CEMIP: variants seen among roughly 807,000 people sequenced by gnomAD.
CEMIP encodes cell migration-inducing and hyaluronan-binding protein.
In CEMIP, 105 loss-of-function variants were observed where a neutral mutation model predicts 156.9. The observed-to-expected ratio is 0.67, with a 90% CI of 0.57 to 0.79. The LOEUF (loss-of-function observed/expected upper bound fraction) is 0.79, where lower values mean the gene tolerates loss of function less well. Among genes scored for constraint, CEMIP ranks in the 30% least tolerant of loss-of-function variants. The pLI is 0.00. For missense variants in CEMIP, 1,457 were observed against 1,769.4 expected, an observed-to-expected ratio of 0.82 and a Z score of 3.17; for synonymous variants, 676 against 668.4, an observed-to-expected ratio of 1.01 and a Z score of -0.17.
Position 80,906,819 on chromosome 15 carries a change from C to A in CEMIP, c.1568C>A (p.Thr523Asn), listed in dbSNP as rs1025345003. The A allele has an allele frequency of 1.2e-6, 2 of 1,613,706 alleles. No individual in the cohort carries two copies. The highest frequency in any genetic ancestry group is 1.7e-6 in the Non-Finnish European group (2 of 1,179,798). ...ATCTGCAATTTCTTTGACTTCGATA[C>A]CTTTGGGGGCCACATCAAGGTATGT... ...NHICNFFDFD[T>N]FGGHIKFALG... The change falls in exon 13 of 30, where the codon ACC becomes AAC. Residue 523 changes from threonine to asparagine, a missense_variant. Physicochemically the swap from Thr to Asn is moderately conservative, Grantham distance 65. Transcript: ENST00000394685. This position sits in a 1 kb window ranked among gnomAD's most constrained non-coding sequence, Gnocchi z 4.3.
chr15:80,935,095 G>A (rs1431953162), intron 23 of CEMIP, among the ~76,000 whole-genome samples: 1 of 152,200 alleles, frequency 6.6e-6, no homozygotes, highest in Admixed American at 6.5e-5. Flanking sequence ...AGCCCTGGGA[G>A]AGGCGGAGCT....
rs144815292 is a variant in CEMIP at position 80,810,468 on chromosome 15, T to C, written c.-176+30854T>C. 9.7e-3 allele frequency among the ~76,000 whole-genome samples: 1,481 copies of C among 152,278 alleles called. 23 individuals carry two copies. The highest frequency in any genetic ancestry group is 0.033 in the African/African-American group (1,377 of 41,560). On this transcript the variant is annotated intron_variant, in intron 1 of 29. Transcript: ENST00000394685. ...CTGCAAGCTCCGCCTTCCGGATTCA[T>C]GCCATTCTCTTGCCTTAGCCTCCCG...
intron 1 of CEMIP, among the ~76,000 whole-genome samples, chr15:80,821,304 T>C (rs1185870713): frequency 6.6e-6 from 1 of 152,250 alleles, no homozygotes; most frequent in Non-Finnish European, 1.5e-5. Flanking sequence ...CTACCAGTGC[T>C]GTCAGTGACC....
At chr15:80,931,729 TAC>T in intron 21 of CEMIP, 128 bp from the exon 22 acceptor site, 1 of 831,934 alleles carries the variant, frequency 1.2e-6, no homozygotes, top group Non-Finnish European at 2.0e-6. Flanking sequence ...GGAATGGTTT[TAC>T]CCAGGAAGTC....
At chr15:80,852,710 C>T (rs1174315132) in intron 1 of CEMIP, among the ~76,000 whole-genome samples, 2 of 152,190 alleles carry the variant, frequency 1.3e-5, no homozygotes, top group Non-Finnish European at 2.9e-5. Context: ...CCCTTTTCCT[C>T]TTTTATGCCA....
intron 28 of CEMIP, among the ~76,000 whole-genome samples, chr15:80,944,930 G>A (rs901748006): frequency 2.6e-5 from 4 of 152,160 alleles, no homozygotes; most frequent in African/African-American, 9.7e-5. Flanking sequence ...CACTCCCTGG[G>A]CTGGCGCTGG....
intron 8 of CEMIP, 26 bp downstream of exon 8, chr15:80,887,790 G>A: frequency 6.4e-7 from 1 of 1,556,782 alleles, no homozygotes; most frequent in Non-Finnish European, 8.9e-7. Context: ...CTGGAGGCCT[G>A]ATTCCCTCCA....
chr15:80,815,358 T>C (rs1235605072), intron 1 of CEMIP, among the ~76,000 whole-genome samples: 1 of 152,234 alleles, frequency 6.6e-6, no homozygotes, highest in Non-Finnish European at 1.5e-5. Context: ...CTTTGAGACA[T>C]TGGGAAAGGC....
intron 10 of CEMIP, among the ~76,000 whole-genome samples, chr15:80,892,031 A>G (rs996069365): frequency 6.6e-6 from 1 of 152,160 alleles, no homozygotes; most frequent in African/African-American, 2.4e-5. Context: ...AACTCCCCAC[A>G]TGCTCATTTT....
In CEMIP at chr15:80,921,036, G is replaced by A. The variant is rs960069773; in HGVS notation, c.2008G>A (p.Val670Met). 2 of 1,614,118 alleles carry A rather than the reference G, an allele frequency of 1.2e-6. No homozygotes were observed. The highest frequency in any genetic ancestry group is 2.2e-5 in the East Asian group (1 of 44,882). ...IPKPRQDCNA[V>M]STFWMANPNN... ...GTATCTCTGCCCTCCCTGCAGTGCT[G>A]TGTCCACCTTCTGGATGGCCAATCC... is the stretch of plus-strand genomic sequence containing the variant. Residue 670 changes from valine (V) to methionine (M), a missense_variant, in exon 16 of 30, where the codon GTG becomes ATG. Val to Met is a conservative substitution (Grantham distance 21). Around this residue, in one of 5 missense-constraint regions of CEMIP, gnomAD observed 798 missense variants for 980.1 expected, o/e 0.81. Transcript: ENST00000394685.
intron 1 of CEMIP, among the ~76,000 whole-genome samples, chr15:80,803,326 A>T (rs571215887): frequency 6.6e-6 from 1 of 152,268 alleles, no homozygotes; most frequent in African/African-American, 2.4e-5. Flanking sequence ...GCTATGGATG[A>T]CTTCCCATGG....
intron 25 of CEMIP, 134 bp from the exon 26 acceptor site, chr15:80,941,715 G>A: frequency 1.3e-6 from 1 of 756,972 alleles, no homozygotes; most frequent in Non-Finnish European, 2.3e-6. Context: ...CTCGGTGGTA[G>A]ACATGGTTCC....
At chr15:80,900,030 G>A (rs1192224802) in intron 12 of CEMIP, among the ~76,000 whole-genome samples, 1 of 152,156 alleles carries the variant, frequency 6.6e-6, no homozygotes, top group African/African-American at 2.4e-5. Context: ...CTGCATGGAG[G>A]TGGGAGGGCA....
chr15:80,793,901 G>T (rs139147359), intron 1 of CEMIP, among the ~76,000 whole-genome samples: 1 of 152,192 alleles, frequency 6.6e-6, no homozygotes, highest in African/African-American at 2.4e-5. Flanking sequence ...GGGCATCCCC[G>T]CCAGAAATTC....
intron 17 of CEMIP, among the ~76,000 whole-genome samples, chr15:80,922,968 A>G (rs1900528965): frequency 6.6e-6 from 1 of 152,216 alleles, no homozygotes; most frequent in Admixed American, 6.5e-5. Context: ...CCCTAATGGT[A>G]CTGATAAAGA....
At position 80,895,952 on chromosome 15, in the gene CEMIP, C is replaced by T. The variant is rs1310542299; in HGVS notation, c.1303C>T (p.Pro435Ser). 6.2e-7 allele frequency: 1 copy of T among 1,614,032 alleles called. No individual in the cohort carries two copies. Among genetic ancestry groups the T allele is most frequent in the Non-Finnish European group, 8.5e-7 (1 of 1,180,034 alleles). Residue 435 changes from proline to serine, a missense_variant, in exon 12 of 30, where the codon CCT becomes TCT. Pro to Ser is a moderately conservative substitution (Grantham distance 74). Around this residue, in one of 5 missense-constraint regions of CEMIP, gnomAD observed 280 missense variants for 300.3 expected, o/e 0.93. Transcript: ENST00000394685. ...NLEDNVQSWK[P>S]GDTLVIASTD... ...GGAGGATAATGTACAGTCATGGAAACCTGGAGATACCCTGGTCATTGCCAG... is the reference window on the plus strand; with the variant it reads ...GGAGGATAATGTACAGTCATGGAAATCTGGAGATACCCTGGTCATTGCCAG...
chr15:80,805,864 A>G (rs1243103479), intron 1 of CEMIP, among the ~76,000 whole-genome samples: 1 of 152,232 alleles, frequency 6.6e-6, no homozygotes. Context: ...AATTTTGTGT[A>G]TAAAGGACCA....
At chr15:80,809,463 T>A (rs1025853027) in intron 1 of CEMIP, among the ~76,000 whole-genome samples, 7 of 152,262 alleles carry the variant, frequency 4.6e-5, no homozygotes, top group Non-Finnish European at 8.8e-5. Context: ...TCAGTTTCTA[T>A]AAAGTGTGAA....
At chr15:80,831,355 T>C (rs1311182251) in intron 1 of CEMIP, among the ~76,000 whole-genome samples, 1 of 152,044 alleles carries the variant, frequency 6.6e-6, no homozygotes, top group Non-Finnish European at 1.5e-5. Flanking sequence ...AGGATGTCTT[T>C]CTGGCAGTGT....
Sources: allele counts gnomAD v4.1 joint callset (sites outside exome capture counted in the v4.1 genomes callset), GRCh38; gene constraint gnomAD v4.1.1; regional missense constraint gnomAD v4.1.1; non-coding constraint Gnocchi (gnomAD v3.1); transcripts MANE v1.5; gene names NCBI Gene and HGNC (gene_info 2026-07-23, HGNC 2026-07-21).